Variants in TAOK1 observed in about 807,000 individuals in gnomAD.
The protein encoded by TAOK1 is TAO kinase 1.
In TAOK1, 21 loss-of-function variants were observed where a neutral mutation model predicts 138.3. The ratio of observed to expected loss-of-function variants is 0.15; its 90% CI spans 0.11 to 0.22. The LOEUF is 0.22. TAOK1 is among the 10% of genes least tolerant of loss of function. The pLI, the probability that TAOK1 is intolerant of heterozygous loss-of-function variation, is 1.00. For synonymous variants in TAOK1, 361 were observed against 398.4 expected, an observed-to-expected ratio of 0.91 and a Z score of 1.12; for missense variants, 651 against 1,227.7, an observed-to-expected ratio of 0.53 and a Z score of 7.02.
chr17:29,425,154 C>A (rs2153022131), intron 1 of TAOK1, among the ~76,000 whole-genome samples: 1 of 152,320 alleles, frequency 6.6e-6, no homozygotes, highest in Non-Finnish European at 1.5e-5. Context: ...ACTGTAACCA[C>A]CACCTCCCAG....
At chr17:29,457,402 CTTT>C (rs769026325) in intron 2 of TAOK1, among the ~76,000 whole-genome samples, 11 of 76,590 alleles carry the variant, frequency 1.4e-4, no homozygotes, top group African/African-American at 3.0e-4. Flanking sequence ...CACCCCAGGC[CTTT>C]TTTTTTTTTT....
rs1369426310 is a variant in TAOK1 at position 29,544,495 on chromosome 17, A to G, written c.*1473A>G. ...GAAGTTTGGCCAATTAAAAAAAAAA[A>G]GTAAAATAAGTTATAGTGGTCAGGG... is the stretch of plus-strand genomic sequence containing the variant. On this transcript the variant is annotated 3_prime_UTR_variant, in exon 20 of 20. Coordinates refer to ENST00000261716, the MANE Select transcript of TAOK1 (RefSeq NM_020791.4). 6.6e-6 allele frequency: 1 copy of G among 152,338 alleles called. No homozygotes were observed. The highest frequency in any genetic ancestry group is 1.9e-4 in the East Asian group (1 of 5,208). 9.4% of individuals were successfully genotyped at this position (152,338 alleles called of 1,614,324 possible).
chr17:29,409,577 C>G (rs1418124732), intron 1 of TAOK1, among the ~76,000 whole-genome samples: 4 of 151,952 alleles, frequency 2.6e-5, no homozygotes, highest in Non-Finnish European at 4.4e-5. Context: ...TTGTGATCCC[C>G]CCGCCTCAGC....
rs540116368 is a variant in TAOK1, at chr17:29,492,220, T to C, written c.831+355T>C. ...TTTGTTCTTACCCCTAAGAAATGAT[T>C]GTAAAGAATGTGTTTTATTATTTGA... is the stretch of plus-strand genomic sequence containing the variant. On this transcript the variant is annotated intron_variant, in intron 10 of 19. Transcript: ENST00000261716. Among the ~76,000 whole-genome samples, 7 of 152,294 alleles carry C rather than the reference T, an allele frequency of 4.6e-5. No individual in the cohort carries two copies. The South Asian group carries it at 1.4e-3, about 32-fold the overall frequency.
Position 29,390,820 on chromosome 17 carries a change from CTCG to C in TAOK1, c.-298_-296del, listed in dbSNP as rs1433375009. The C allele has an allele frequency of 6.6e-6, 1 of 150,670 alleles. No homozygotes were observed. Among genetic ancestry groups the C allele is most frequent in the Non-Finnish European group, 1.5e-5 (1 of 67,546 alleles). 9.3% of individuals were successfully genotyped at this position (150,670 alleles called of 1,614,324 possible). ...GCGCCTCCTCGACCCCGGTCGTCCC[CTCG>C]CCCCCCCCCCCACCCCCCGCCGCCG... On this transcript the variant is annotated 5_prime_UTR_variant, in exon 1 of 20. Transcript: ENST00000261716.
intron 1 of TAOK1, among the ~76,000 whole-genome samples, chr17:29,423,586 CA>C (rs1209952937): frequency 2.0e-5 from 3 of 152,044 alleles, no homozygotes; most frequent in African/African-American, 7.2e-5. Flanking sequence ...GAATATTTTC[CA>C]ATTTCACTTT....
intron 8 of TAOK1, among the ~76,000 whole-genome samples, chr17:29,485,327 A>T (rs563819929): frequency 6.6e-6 from 1 of 152,342 alleles, no homozygotes; most frequent in African/African-American, 2.4e-5. Context: ...GAGCGAAAAG[A>T]AAATAAATTA....
intron 1 of TAOK1, among the ~76,000 whole-genome samples, chr17:29,444,805 G>C (rs2030036040): frequency 6.6e-6 from 1 of 152,144 alleles, no homozygotes; most frequent in African/African-American, 2.4e-5. Context: ...CATGAATACA[G>C]TACATGTCTC....
Position 29,546,785 on chromosome 17 carries a change from T to C in TAOK1, c.*3763T>C, listed in dbSNP as rs1307395854. 2 of 152,152 alleles carry C rather than the reference T, an allele frequency of 1.3e-5. No homozygotes were observed. The highest frequency in any genetic ancestry group is 4.8e-5 in the African/African-American group (2 of 41,450). The allele number at this position is 152,152 out of a possible 1,614,324, so 9.4% of individuals were successfully genotyped here. ...TACTGTACATTTCCATCAGGGCACT[T>C]AAAAGTTCTGTTATTTTTGTTTGGT... On this transcript the variant is annotated 3_prime_UTR_variant, in exon 20 of 20. Coordinates refer to ENST00000261716, the MANE Select transcript of TAOK1 (RefSeq NM_020791.4).
Position 29,545,159 on chromosome 17 carries a change from A to AACATG in TAOK1, c.*2148_*2152dup, listed in dbSNP as rs1218525494. The AACATG allele has an allele frequency of 2.0e-5, 3 of 152,178 alleles. No homozygotes were observed. Among genetic ancestry groups the AACATG allele is most frequent in the Non-Finnish European group, 4.4e-5 (3 of 68,032 alleles). 9.4% of individuals were successfully genotyped at this position (152,178 alleles called of 1,614,324 possible). On this transcript the variant is annotated 3_prime_UTR_variant, in exon 20 of 20. Coordinates refer to ENST00000261716, the MANE Select transcript of TAOK1 (RefSeq NM_020791.4). ...GCTCCAGGTCACCGGTTTTTAGGTAAACATGACATGACATGTACTTGTAAT... is the reference window on the plus strand; with the variant it reads ...GCTCCAGGTCACCGGTTTTTAGGTAAACATGACATGACATGACATGTACTTGTAAT...
chr17:29,504,276 CAAAAAA>C lies in TAOK1; in HGVS notation c.1338+1570_1338+1575del, dbSNP rs71138826. On this transcript the variant is annotated intron_variant, in intron 13 of 19. Coordinates refer to ENST00000261716, the MANE Select transcript of TAOK1 (RefSeq NM_020791.4). ...TGGGTGACAGTGCCAGACCCTGTCT[CAAAAAA>C]AAAAAAAAAAAAAAAAGGAAAGGAA... Among the ~76,000 whole-genome samples, 238 of 40,816 alleles carry C rather than the reference CAAAAAA, an allele frequency of 5.8e-3. 1 individual carries two copies. Among genetic ancestry groups the C allele is most frequent in the Middle Eastern group, 0.033 (1 of 30 alleles). The allele number at this position is 40,816 out of a possible 152,430, so 26.8% of individuals were successfully genotyped here. A position where few individuals can be genotyped will look rare whatever the true frequency, so the allele number is the denominator to read the frequency against.
At chr17:29,402,525 G>C (rs916461236) in intron 1 of TAOK1, among the ~76,000 whole-genome samples, 1 of 151,942 alleles carries the variant, frequency 6.6e-6, no homozygotes, top group African/African-American at 2.4e-5. Flanking sequence ...AGCTGGTCTC[G>C]AACTCCTGAG....
At chr17:29,507,189 A>G (rs2031643643) in intron 13 of TAOK1, among the ~76,000 whole-genome samples, 1 of 152,092 alleles carries the variant, frequency 6.6e-6, no homozygotes, top group Non-Finnish European at 1.5e-5. Context: ...TAAATACACT[A>G]AACATATTGA....
chr17:29,398,515 T>G (rs902500875), intron 1 of TAOK1, among the ~76,000 whole-genome samples: 7 of 150,108 alleles, frequency 4.7e-5, no homozygotes, highest in Admixed American at 4.0e-4. Context: ...TTCTTTTCTT[T>G]TCTTTTCTTT....
Position 29,391,039 on chromosome 17 carries a change from G to C in TAOK1, c.-95+15G>C, listed in dbSNP as rs1335395194. 4 of 152,512 alleles carry C rather than the reference G, an allele frequency of 2.6e-5. No individual in the cohort carries two copies. The highest frequency in any genetic ancestry group is 1.3e-4 in the Admixed American group (2 of 15,264). The allele number at this position is 152,512 out of a possible 1,614,324, so 9.4% of individuals were successfully genotyped here. ...TCGGCGAAAGGGTAAGGGCACCTCT[G>C]CTTTGGGAAAGGGGGATATAGAGGG... On this transcript the variant is annotated intron_variant, in intron 1 of 19. Transcript: ENST00000261716.
chr17:29,509,761 T>A (rs2031687109), intron 14 of TAOK1, among the ~76,000 whole-genome samples: 2 of 151,738 alleles, frequency 1.3e-5, no homozygotes, highest in Non-Finnish European at 2.9e-5. Flanking sequence ...CTGAGCAGGG[T>A]GGCATACGCC....
intron 1 of TAOK1, among the ~76,000 whole-genome samples, chr17:29,398,907 A>G (rs760546288): frequency 7.2e-5 from 11 of 152,164 alleles, no homozygotes; most frequent in Non-Finnish European, 1.3e-4. Context: ...ACTGCCTGAT[A>G]CATGCTAACA....
chr17:29,538,992 T>C (rs1199775941), intron 19 of TAOK1, among the ~76,000 whole-genome samples: 1 of 152,190 alleles, frequency 6.6e-6, no homozygotes, highest in Non-Finnish European at 1.5e-5. Context: ...GTGCAGTGGC[T>C]TACACTGTAA....
chr17:29,448,415 A>G (rs1199899910), intron 1 of TAOK1, among the ~76,000 whole-genome samples: 2 of 152,132 alleles, frequency 1.3e-5, no homozygotes, highest in African/African-American at 2.4e-5. Flanking sequence ...TGGATTGTCA[A>G]GTTTTCTCAA....
Sources: allele counts gnomAD v4.1 joint callset (sites outside exome capture counted in the v4.1 genomes callset), GRCh38; gene constraint gnomAD v4.1.1; transcripts MANE v1.5; gene names NCBI Gene and HGNC (gene_info 2026-07-23, HGNC 2026-07-21).